Variants in ZBTB7C observed in about 807,000 individuals in gnomAD.
The protein encoded by ZBTB7C is zinc finger and BTB domain containing 7C, also known as zinc finger and BTB domain-containing protein 7C.
In ZBTB7C, 8 loss-of-function variants were observed where a neutral mutation model predicts 25.7. The ratio of observed to expected loss-of-function variants is 0.31; its 90% CI spans 0.18 to 0.56. The LOEUF (loss-of-function observed/expected upper bound fraction) is 0.56, where lower values mean the gene tolerates loss of function less well. Ranked by LOEUF, ZBTB7C falls within the 20% of genes least tolerant of loss-of-function variation. ZBTB7C has a pLI of 0.91. For synonymous variants in ZBTB7C, 394 were observed against 369.0 expected (o/e 1.07, Z -0.78); for missense variants, 824 against 855.2 (o/e 0.96, Z 0.46).
intron 3 of ZBTB7C, among the ~76,000 whole-genome samples, chr18:48,173,203 C>G (rs1353309748): frequency 1.3e-5 from 2 of 152,174 alleles, no homozygotes; most frequent in Non-Finnish European, 2.9e-5. Flanking sequence ...TTAAGAAAAT[C>G]AGTAGATCCC....
At chr18:48,239,106 G>GA (rs938740092) in intron 2 of ZBTB7C, among the ~76,000 whole-genome samples, 18 of 152,210 alleles carry the variant, frequency 1.2e-4, no homozygotes, top group African/African-American at 4.3e-4. Flanking sequence ...AATCCCTCTG[G>GA]AAAAATAACT....
intron 3 of ZBTB7C, among the ~76,000 whole-genome samples, chr18:48,161,489 A>G (rs1387879974): frequency 6.6e-6 from 1 of 152,012 alleles, no homozygotes; most frequent in East Asian, 1.9e-4. Flanking sequence ...GCAGCACCCC[A>G]GTTCGCCGGG....
intron 3 of ZBTB7C, 40 bp from the exon 4 acceptor site, chr18:48,041,163 G>T: frequency 6.5e-7 from 1 of 1,537,046 alleles, no homozygotes. Flanking sequence ...GTTAGTGAGC[G>T]TGGCCCCAGG....
intron 3 of ZBTB7C, among the ~76,000 whole-genome samples, chr18:48,081,432 ATTTCTTTTTTCTTTTTCTT>A (rs967520859): frequency 6.7e-6 from 1 of 150,366 alleles, no homozygotes; most frequent in Non-Finnish European, 1.5e-5. Flanking sequence ...ATTCTAAATG[ATTTCTTTTTTCTTTTTCTT>A]TTTCTTTTTC....
intron 3 of ZBTB7C, among the ~76,000 whole-genome samples, chr18:48,165,880 T>C (rs868496026): frequency 6.6e-6 from 1 of 152,310 alleles, no homozygotes; most frequent in Middle Eastern, 3.4e-3. Flanking sequence ...GGGAGAGGCC[T>C]GCATGCCGAG....
Position 48,040,228 on chromosome 18 carries a change from T to C in ZBTB7C, c.880A>G (p.Lys294Glu), listed in dbSNP as rs201606324. Residue 294 changes from lysine to glutamate, a missense_variant, in exon 4 of 5, where the codon AAG (lysine) becomes GAG (glutamate). Physicochemically the swap from Lys to Glu is moderately conservative, Grantham distance 56. This residue lies in a region of ZBTB7C where 316 missense variants were observed against 299.2 expected (regional missense o/e 1.06). Transcript: ENST00000590800. ...GGTGGGGGTGGGGGCAGCTCCTCCT[T>C]CTCCTCCTCCTTGATCTTCCGATTC... ...IKNRKIKEEE[K>E]EELPPPPPPP... 2.5e-5 allele frequency: 40 copies of C among 1,569,514 alleles called. No individual in the cohort carries two copies. The highest frequency in any genetic ancestry group is 2.0e-4 in the Admixed American group (11 of 54,394).
intron 3 of ZBTB7C, among the ~76,000 whole-genome samples, chr18:48,114,152 G>GAT (rs1568229447): frequency 6.6e-6 from 1 of 152,186 alleles, no homozygotes; most frequent in African/African-American, 2.4e-5. Context: ...TATAGGTGAG[G>GAT]ATGTGGGGAC....
At chr18:48,259,789 T>C (rs113349504) in intron 2 of ZBTB7C, among the ~76,000 whole-genome samples, 1,678 of 152,260 alleles carry the variant, frequency 0.011, 16 homozygotes, top group South Asian at 0.039. Context: ...ATAAGGGACA[T>C]GAAAATCAAA....
chr18:48,086,054 T>C (rs3923478), intron 3 of ZBTB7C, among the ~76,000 whole-genome samples: 80,996 of 152,100 alleles, frequency 0.53, 24,067 homozygotes, highest in African/African-American at 0.81. Context: ...GATCATGTCA[T>C]TCTCTTGTTC....
intron 2 of ZBTB7C, among the ~76,000 whole-genome samples, chr18:48,214,397 C>T (rs2042775800): frequency 2.0e-5 from 3 of 152,148 alleles, no homozygotes; most frequent in Admixed American, 2.0e-4. Flanking sequence ...CAGTGTTTGT[C>T]CTTTTGCATT....
intron 2 of ZBTB7C, among the ~76,000 whole-genome samples, chr18:48,219,700 G>A (rs1445882984): frequency 6.6e-6 from 1 of 152,234 alleles, no homozygotes; most frequent in Non-Finnish European, 1.5e-5. Context: ...GCAGGTGGCA[G>A]GAGGGAGGAA....
intron 3 of ZBTB7C, chr18:48,137,353 T>G (rs2040204192): frequency 1.0e-6 from 1 of 983,942 alleles, no homozygotes; most frequent in Non-Finnish European, 1.2e-6. Context: ...GCAAGGGCGG[T>G]GGAGGAGCTT....
rs148845222 is a variant in ZBTB7C at position 48,250,915 on chromosome 18, C to T, written c.-78-64920G>A. Among the ~76,000 whole-genome samples, 265 of 152,030 alleles carry T rather than the reference C, an allele frequency of 1.7e-3. 1 individual carries two copies. Among genetic ancestry groups the T allele is most frequent in the African/African-American group, 6.2e-3 (256 of 41,452 alleles). On this transcript the variant is annotated intron_variant, in intron 2 of 4. Coordinates refer to ENST00000590800, the MANE Select transcript of ZBTB7C (RefSeq NM_001318841.2). ...TTGTGATTTGCTTGAACTTAAACTT[C>T]GGCATGTGTTTAAAAGTAAAATATC...
chr18:48,411,573 T>TG (rs1224598282), upstream of ZBTB7C, among the ~76,000 whole-genome samples: 21 of 152,364 alleles, frequency 1.4e-4, no homozygotes, highest in African/African-American at 4.8e-4. Context: ...GCCATAAGTC[T>TG]GGCTGCGCCT....
rs560984408 is a variant in ZBTB7C at position 48,268,739 on chromosome 18, T to C, written c.-79+69435A>G. On this transcript the variant is annotated intron_variant, in intron 2 of 4. Transcript: ENST00000590800. ...AGGAAAGCATCCTTGTCAAGACATA[T>C]ACATGTAAATGTGGGGTGTAGATAA... is the stretch of plus-strand genomic sequence containing the variant. Among the ~76,000 whole-genome samples the C allele has an allele frequency of 3.6e-4, 8 of 22,400 alleles. No homozygotes were observed. The South Asian group carries it at 0.013, about 36-fold the overall frequency. 14.7% of individuals were successfully genotyped at this position (22,400 alleles called of 152,430 possible). A position where few individuals can be genotyped will look rare whatever the true frequency, so the allele number is the denominator to read the frequency against.
At position 48,026,820 on chromosome 18, in the gene ZBTB7C, T is replaced by C. The variant is rs1466113715; in HGVS notation, c.*2440A>G. ...AACAATTAAAAACCTTAAGACTGGC[T>C]TGTTGCTGTCCTGTGAACTTTCAGA... On this transcript the variant is annotated 3_prime_UTR_variant, in exon 5 of 5. Transcript: ENST00000590800. 1 of 151,962 alleles carries C rather than the reference T, an allele frequency of 6.6e-6. No individual in the cohort carries two copies. Among genetic ancestry groups the C allele is most frequent in the African/African-American group, 2.4e-5 (1 of 41,376 alleles). 9.4% of individuals were successfully genotyped at this position (151,962 alleles called of 1,614,324 possible).
chr18:48,117,382 G>A (rs1485217861), intron 3 of ZBTB7C, among the ~76,000 whole-genome samples: 1 of 152,168 alleles, frequency 6.6e-6, no homozygotes, highest in African/African-American at 2.4e-5. Context: ...GGCTCAGGAG[G>A]TTCACTTAAT....
At chr18:48,053,479 C>T (rs541232705) in intron 3 of ZBTB7C, among the ~76,000 whole-genome samples, 127 of 152,286 alleles carry the variant, frequency 8.3e-4, no homozygotes, top group African/African-American at 2.7e-3. Context: ...AGGTACCAGT[C>T]GCTGTCCTAA....
chr18:48,398,390 C>T (rs926492712), intron 1 of ZBTB7C, among the ~76,000 whole-genome samples: 49 of 152,168 alleles, frequency 3.2e-4, no homozygotes, highest in Non-Finnish European at 8.8e-5. Context: ...TTTGGAGGAC[C>T]CTGCATATGG....
Sources: allele counts gnomAD v4.1 joint callset (sites outside exome capture counted in the v4.1 genomes callset), GRCh38; gene constraint gnomAD v4.1.1; regional missense constraint gnomAD v4.1.1; transcripts MANE v1.5; gene names NCBI Gene and HGNC (gene_info 2026-07-23, HGNC 2026-07-21).